The following EPHA6 variants were observed in gnomAD, a reference collection of about 807,000 sequenced individuals.
EPHA6 encodes ephrin type-A receptor 6.
In EPHA6, 50 loss-of-function variants were observed where a neutral mutation model predicts 112.0. The observed-to-expected ratio is 0.45, with a 90% CI of 0.36 to 0.56. EPHA6 has a LOEUF of 0.56. Ranked by LOEUF, EPHA6 falls within the 20% of genes least tolerant of loss-of-function variation. The pLI is 0.00. For missense variants in EPHA6, 1,280 were observed against 1,417.4 expected (o/e 0.90, Z 1.56); for synonymous variants, 529 against 490.7 (o/e 1.08, Z -1.03).
At chr3:97,180,192 T>C (rs2076950187) in intron 3 of EPHA6, among the ~76,000 whole-genome samples, 1 of 151,798 alleles carries the variant, frequency 6.6e-6, no homozygotes, top group Non-Finnish European at 1.5e-5. Flanking sequence ...CCACAAGGAG[T>C]ACCACCAGAC....
At chr3:96,968,326 G>T (rs1170010581) in intron 2 of EPHA6, among the ~76,000 whole-genome samples, 2 of 150,772 alleles carry the variant, frequency 1.3e-5, no homozygotes, top group East Asian at 3.9e-4. Flanking sequence ...TTGCTTATTG[G>T]ATTTAACTGT....
intron 3 of EPHA6, among the ~76,000 whole-genome samples, chr3:97,070,298 G>T (rs78677651): frequency 3.9e-5 from 6 of 152,044 alleles, no homozygotes; most frequent in Admixed American, 3.9e-4. Flanking sequence ...AATAAATATT[G>T]CTTGATTAAT....
At chr3:97,653,704 T>A (rs1424406471) in intron 14 of EPHA6, among the ~76,000 whole-genome samples, 2 of 152,098 alleles carry the variant, frequency 1.3e-5, no homozygotes, top group East Asian at 1.9e-4. Flanking sequence ...TCTGCACTCC[T>A]GTGTGTGCTG....
At chr3:97,558,791 T>A (rs889306313) in intron 11 of EPHA6, among the ~76,000 whole-genome samples, 1 of 151,902 alleles carries the variant, frequency 6.6e-6, no homozygotes, top group African/African-American at 2.4e-5. Flanking sequence ...CATGGTCCAC[T>A]GTATCCCTGG....
At chr3:97,303,791 G>A (rs972173789) in intron 5 of EPHA6, among the ~76,000 whole-genome samples, 1 of 151,950 alleles carries the variant, frequency 6.6e-6, no homozygotes. Flanking sequence ...GCTTTTCCCA[G>A]ACAAAATTAC....
chr3:96,930,451 C>T (rs2040253720), intron 2 of EPHA6, among the ~76,000 whole-genome samples: 1 of 152,200 alleles, frequency 6.6e-6, no homozygotes, highest in African/African-American at 2.4e-5. Flanking sequence ...GAACACCCTT[C>T]TATAGGGCTG....
intron 3 of EPHA6, among the ~76,000 whole-genome samples, chr3:97,032,394 C>T (rs1338721948): frequency 6.6e-6 from 1 of 151,982 alleles, no homozygotes; most frequent in Non-Finnish European, 1.5e-5. Context: ...CACATGTGTA[C>T]CTATGTAACA....
At chr3:97,371,830 G>A (rs1157265416) in intron 5 of EPHA6, among the ~76,000 whole-genome samples, 3 of 152,070 alleles carry the variant, frequency 2.0e-5, no homozygotes. Flanking sequence ...GGCTGCTCTG[G>A]GGACGTCTGT....
At chr3:97,412,208 G>A (rs1047693104) in intron 6 of EPHA6, among the ~76,000 whole-genome samples, 1 of 152,060 alleles carries the variant, frequency 6.6e-6, no homozygotes, top group Non-Finnish European at 1.5e-5. Flanking sequence ...CTACTGCTCA[G>A]AGGGCTGGAA....
At chr3:97,282,348 G>T (rs987788433) in intron 5 of EPHA6, among the ~76,000 whole-genome samples, 8 of 152,136 alleles carry the variant, frequency 5.3e-5, no homozygotes, top group Non-Finnish European at 1.2e-4. Flanking sequence ...AGATGCCGGC[G>T]AGGCTGTGGA....
At chr3:97,169,500 A>G (rs1479417059) in intron 3 of EPHA6, among the ~76,000 whole-genome samples, 1 of 151,990 alleles carries the variant, frequency 6.6e-6, no homozygotes, top group African/African-American at 2.4e-5. Context: ...TAGTTAAACT[A>G]TTATTAGTAT....
chr3:97,625,771 AT>A (rs1380713731), intron 13 of EPHA6, among the ~76,000 whole-genome samples: 1 of 151,904 alleles, frequency 6.6e-6, no homozygotes, highest in East Asian at 1.9e-4. Flanking sequence ...TGGACTATGT[AT>A]ACACTGAAAA....
At chr3:97,005,135 T>A (rs1340429895) in intron 3 of EPHA6, among the ~76,000 whole-genome samples, 1 of 152,238 alleles carries the variant, frequency 6.6e-6, no homozygotes, top group East Asian at 1.9e-4. Flanking sequence ...AATAGCTTTT[T>A]TTTCTAATTT....
intron 2 of EPHA6, among the ~76,000 whole-genome samples, chr3:96,905,718 T>A (rs988037599): frequency 1.8e-4 from 28 of 152,016 alleles, no homozygotes; most frequent in African/African-American, 5.8e-4. Context: ...GTTTTTTTTT[T>A]AACTATTTTA....
intron 3 of EPHA6, among the ~76,000 whole-genome samples, chr3:97,064,607 A>T (rs1467669857): frequency 6.6e-6 from 1 of 152,164 alleles, no homozygotes; most frequent in East Asian, 1.9e-4. Context: ...GAATAACTGA[A>T]CAAATCATTT....
intron 14 of EPHA6, among the ~76,000 whole-genome samples, chr3:97,698,586 G>C (rs2033184133): frequency 6.6e-6 from 1 of 152,076 alleles, no homozygotes; most frequent in South Asian, 2.1e-4. Context: ...GTAAAGCTCT[G>C]TACATTTATA....
intron 5 of EPHA6, among the ~76,000 whole-genome samples, chr3:97,283,923 T>A (rs1028249945): frequency 2.0e-5 from 3 of 152,178 alleles, no homozygotes; most frequent in Non-Finnish European, 2.9e-5. Flanking sequence ...TTTATTTATC[T>A]CTGAAGATTA....
Position 97,081,699 on chromosome 3 carries a change from G to A in EPHA6, c.1114+93706G>A, listed in dbSNP as rs142769378. ...AAAATCAGAACTTGCATTCGCTGTA[G>A]TATTATTTAAAAAGAAAAGATAAAA... On this transcript the variant is annotated intron_variant, in intron 3 of 17. Transcript: ENST00000389672. Among the ~76,000 whole-genome samples the A allele has an allele frequency of 4.9e-3, 737 of 151,584 alleles. 4 individuals are homozygous for A. The highest frequency in any genetic ancestry group is 7.4e-3 in the Non-Finnish European group (500 of 67,704).
chr3:96,870,591 T>C (rs1559788013), intron 2 of EPHA6, among the ~76,000 whole-genome samples: 1 of 152,238 alleles, frequency 6.6e-6, no homozygotes, highest in East Asian at 1.9e-4. Context: ...AGCAGTTATC[T>C]TTAGCCTAGT....
Sources: allele counts gnomAD v4.1 joint callset (sites outside exome capture counted in the v4.1 genomes callset), GRCh38; gene constraint gnomAD v4.1.1; transcripts MANE v1.5; gene names NCBI Gene and HGNC (gene_info 2026-07-23, HGNC 2026-07-21).